Variants in SAMD5 observed in about 807,000 individuals in gnomAD.
SAMD5 encodes sterile alpha motif domain containing 5.
SAMD5 carries 13 observed loss-of-function variants against 11.3 expected under a neutral mutation model. That is an observed-to-expected ratio of 1.15 (90% CI 0.75 to 1.83). The LOEUF (loss-of-function observed/expected upper bound fraction) is 1.83. SAMD5 is among the 40% of genes most tolerant of loss of function. SAMD5 has a pLI of 0.00. For missense variants in SAMD5, 255 were observed against 239.1 expected, an observed-to-expected ratio of 1.07 and a Z score of -0.44; for synonymous variants, 129 against 111.3, an observed-to-expected ratio of 1.16 and a Z score of -1.00.
At chr6:147,900,990 A>G in the SAMD5 span, among the ~76,000 whole-genome samples, 1 of 152,216 alleles carries the variant, frequency 6.6e-6, no homozygotes, top group Non-Finnish European at 1.5e-5. Flanking sequence ...CTAAATAAGC[A>G]TATTCATATG....
chr6:147,786,776 T>C, the SAMD5 span, among the ~76,000 whole-genome samples: 1 of 152,198 alleles, frequency 6.6e-6, no homozygotes, highest in Non-Finnish European at 1.5e-5. Context: ...CACTCTTTCT[T>C]AAGCTTTTCC....
chr6:147,863,819 T>A, the SAMD5 span, among the ~76,000 whole-genome samples: 2 of 151,264 alleles, frequency 1.3e-5, no homozygotes, highest in African/African-American at 4.9e-5. Flanking sequence ...TTTCATCATT[T>A]CACTTTGATT....
chr6:147,885,196 C>A, the SAMD5 span, among the ~76,000 whole-genome samples: 2 of 152,090 alleles, frequency 1.3e-5, no homozygotes, highest in Non-Finnish European at 2.9e-5. Context: ...TGGTCACTCA[C>A]ACCTGTAATC....
the SAMD5 span, among the ~76,000 whole-genome samples, chr6:147,921,824 G>T: frequency 2.0e-5 from 3 of 152,136 alleles, no homozygotes; most frequent in African/African-American, 7.2e-5. Flanking sequence ...ATTCATCTCA[G>T]AACAGAGAAT....
At chr6:147,724,272 C>T (rs112519905) in intron 1 of SAMD5, among the ~76,000 whole-genome samples, 9 of 152,280 alleles carry the variant, frequency 5.9e-5, no homozygotes, top group Admixed American at 3.9e-4. Flanking sequence ...GGACTACAGG[C>T]GCCTGCCACC....
rs2128444881 is a variant in SAMD5, at chr6:147,567,038, A to G, written c.*2582A>G. On this transcript the variant is annotated 3_prime_UTR_variant, in exon 2 of 2. Coordinates refer to ENST00000367474, the MANE Select transcript of SAMD5 (RefSeq NM_001030060.3). ...GATTATCTTGATTTACATTTCCTAGAGTATTAAAAGAGATTAATTACAGAC... is the reference window on the plus strand; with the variant it reads ...GATTATCTTGATTTACATTTCCTAGGGTATTAAAAGAGATTAATTACAGAC... 1.5e-5 allele frequency: 14 copies of G among 919,718 alleles called. No individual in the cohort carries two copies. The highest frequency in any genetic ancestry group is 1.0e-4 in the South Asian group (2 of 19,834). The allele number at this position is 919,718 out of a possible 1,614,324, so 57.0% of individuals were successfully genotyped here.
downstream of SAMD5, among the ~76,000 whole-genome samples, chr6:147,737,984 A>G (rs1019467020): frequency 6.6e-6 from 1 of 152,226 alleles, no homozygotes; most frequent in African/African-American, 2.4e-5. Flanking sequence ...AACAGTTAAG[A>G]TCTTTTGAGA....
intron 1 of SAMD5, among the ~76,000 whole-genome samples, chr6:147,594,732 A>C (rs1485873072): frequency 6.6e-6 from 1 of 152,204 alleles, no homozygotes; most frequent in Non-Finnish European, 1.5e-5. Flanking sequence ...AGTCAATCAG[A>C]AATGCTCACC....
At chr6:147,904,953 A>G in the SAMD5 span, among the ~76,000 whole-genome samples, 1 of 149,188 alleles carries the variant, frequency 6.7e-6, no homozygotes, top group African/African-American at 2.5e-5. Context: ...CGATGGTGCG[A>G]TCTCGGCTCA....
At position 147,566,936 on chromosome 6, in the gene SAMD5, C is replaced by G; in HGVS notation, c.*2480C>G. The G allele has an allele frequency of 3.4e-6, 3 of 875,440 alleles. No individual in the cohort carries two copies. The highest frequency in any genetic ancestry group is 4.1e-6 in the Non-Finnish European group (3 of 730,258). The allele number at this position is 875,440 out of a possible 1,614,324, so 54.2% of individuals were successfully genotyped here. A position where few individuals can be genotyped will look rare whatever the true frequency, so the allele number is the denominator to read the frequency against. ...TCAGCGTTTTTCCTCTGTATCTAAA[C>G]ACCAATAATATACTTAATTTTTGAA... On this transcript the variant is annotated 3_prime_UTR_variant, in exon 2 of 2. Coordinates refer to ENST00000367474, the MANE Select transcript of SAMD5 (RefSeq NM_001030060.3).
chr6:147,606,221 G>A (rs1340762586), intron 1 of SAMD5, among the ~76,000 whole-genome samples: 2 of 152,198 alleles, frequency 1.3e-5, no homozygotes, highest in Non-Finnish European at 1.5e-5. Flanking sequence ...AGAAATGTGC[G>A]GAAGGTGGGC....
the SAMD5 span, among the ~76,000 whole-genome samples, chr6:147,887,327 A>G: frequency 1.3e-5 from 2 of 152,140 alleles, no homozygotes; most frequent in African/African-American, 4.8e-5. Context: ...TCCCTTTGTA[A>G]TCTCATCCCT....
intron 1 of SAMD5, among the ~76,000 whole-genome samples, chr6:147,673,916 A>G (rs1265400006): frequency 6.6e-6 from 1 of 152,176 alleles, no homozygotes; most frequent in African/African-American, 2.4e-5. Context: ...AGAGGTCTTC[A>G]GGTATTTGGG....
chr6:147,730,054 C>T, intron 1 of SAMD5: 1 of 389,712 alleles, frequency 2.6e-6, no homozygotes, highest in South Asian at 1.8e-5. Flanking sequence ...CATTGTACTC[C>T]AGCCTGGGTG....
At chr6:147,681,805 C>G (rs1205006928) in intron 1 of SAMD5, among the ~76,000 whole-genome samples, 2 of 152,138 alleles carry the variant, frequency 1.3e-5, no homozygotes, top group African/African-American at 2.4e-5. Context: ...ATCACTTAGG[C>G]AGAACTCTTC....
At chr6:147,909,428 G>A in the SAMD5 span, among the ~76,000 whole-genome samples, 2 of 151,976 alleles carry the variant, frequency 1.3e-5, no homozygotes, top group African/African-American at 4.8e-5. Flanking sequence ...AAACCTGTGG[G>A]GTACATAAAC....
intron 1 of SAMD5, among the ~76,000 whole-genome samples, chr6:147,540,942 T>TTG (rs1231767260): frequency 1.6e-5 from 2 of 123,794 alleles, no homozygotes; most frequent in East Asian, 2.2e-4. Flanking sequence ...CGTTTTTTTT[T>TTG]TTTTTTTTTT....
At chr6:147,796,543 G>A in the SAMD5 span, among the ~76,000 whole-genome samples, 17 of 152,150 alleles carry the variant, frequency 1.1e-4, no homozygotes, top group African/African-American at 3.9e-4. Context: ...TTGACTTGGC[G>A]ATACAGTCTC....
intron 1 of SAMD5, among the ~76,000 whole-genome samples, chr6:147,616,299 T>TTTCATATATATTTATTCATATATAC (rs1789872270): frequency 2.1e-5 from 3 of 144,348 alleles, no homozygotes; most frequent in Non-Finnish European, 4.5e-5. Context: ...TTCATATATA[T>TTTCATATATATTTATTCATATATAC]TTCATATATA....
Sources: gnomAD v4.1 joint callset for allele counts (sites outside exome capture counted in the v4.1 genomes callset) on GRCh38, gnomAD v4.1.1 for gene constraint, MANE v1.5 for transcripts, NCBI Gene and HGNC (gene_info 2026-07-23, HGNC 2026-07-21) for gene names.